The following MIS18BP1 variants were observed in gnomAD, a reference collection of about 807,000 sequenced individuals.
MIS18BP1 encodes the protein mis18-binding protein 1.
A neutral mutation model predicts 116.1 loss-of-function variants in MIS18BP1; 72 were observed. The observed-to-expected ratio is 0.62, with a 90% CI of 0.51 to 0.75. The LOEUF (loss-of-function observed/expected upper bound fraction) is 0.75. MIS18BP1 is among the 30% of genes least tolerant of loss of function. MIS18BP1 has a pLI of 0.00. For missense variants in MIS18BP1, 1,363 were observed against 1,303.2 expected (o/e 1.05, Z -0.71); for synonymous variants, 386 against 427.0 (o/e 0.90, Z 1.18).
rs111886302 is a variant in MIS18BP1 at position 45,206,766 on chromosome 14, G to A, written c.3153-596C>T. Among the ~76,000 whole-genome samples, 1,110 of 152,090 alleles carry A rather than the reference G, an allele frequency of 7.3e-3. 22 individuals carry two copies. The highest frequency in any genetic ancestry group is 0.025 in the African/African-American group (1,052 of 41,492). On this transcript the variant is annotated intron_variant, in intron 14 of 16. Coordinates refer to ENST00000310806, the MANE Select transcript of MIS18BP1 (RefSeq NM_018353.5). ...TCATTGTACCGTCTACGCTCTTTCC[G>A]GTATCTTGCTGCCTCTCTTGGTTTT...
At chr14:45,238,742 T>C (rs904648366) in intron 4 of MIS18BP1, among the ~76,000 whole-genome samples, 3 of 152,126 alleles carry the variant, frequency 2.0e-5, no homozygotes, top group Non-Finnish European at 1.5e-5. Context: ...GGAGGATCAC[T>C]TGAGCTTGGG....
rs187231582 is a variant in MIS18BP1, at chr14:45,205,042, C to T, written c.3241-589G>A. Among the ~76,000 whole-genome samples, 408 of 152,132 alleles carry T rather than the reference C, an allele frequency of 2.7e-3. 1 individual carries two copies. Among genetic ancestry groups the T allele is most frequent in the Middle Eastern group, 6.8e-3 (2 of 294 alleles). On this transcript the variant is annotated intron_variant, in intron 15 of 16. Transcript: ENST00000310806. ...GTACATGCTCACACACATTACAATG[C>T]TTATCAAACTATTGGCCATGGCTGG...
At chr14:45,234,107 A>G (rs1204399183) in intron 6 of MIS18BP1, among the ~76,000 whole-genome samples, 3 of 152,176 alleles carry the variant, frequency 2.0e-5, no homozygotes, top group Non-Finnish European at 4.4e-5. Context: ...AAGTATTTCA[A>G]AAAGGTAAGT....
chr14:45,230,881 A>G (rs1028465795), intron 8 of MIS18BP1, among the ~76,000 whole-genome samples: 1 of 152,162 alleles, frequency 6.6e-6, no homozygotes, highest in South Asian at 2.1e-4. Flanking sequence ...TCAGCCTCCC[A>G]AAGTGCTGGG....
rs1566810017 is a variant in MIS18BP1 at position 45,224,189 on chromosome 14, C to CTGCT, written c.2394_2397dup (p.Val800SerfsTer14). ...CTTGTGCTCTTTCTCAGGTGAACCA[C>CTGCT]TGCTTCTTTGGTGTTTCCTGCTTTG... is the stretch of plus-strand genomic sequence containing the variant. On this transcript the variant is annotated frameshift_variant, in exon 11 of 17. Coordinates refer to ENST00000310806, the MANE Select transcript of MIS18BP1 (RefSeq NM_018353.5). LOFTEE classifies it high-confidence loss of function. 6.2e-7 allele frequency: 1 copy of CTGCT among 1,614,096 alleles called. No individual in the cohort carries two copies. The highest frequency in any genetic ancestry group is 8.5e-7 in the Non-Finnish European group (1 of 1,180,024).
At chr14:45,246,130 A>C (rs1891715941) in intron 2 of MIS18BP1, among the ~76,000 whole-genome samples, 1 of 152,210 alleles carries the variant, frequency 6.6e-6, no homozygotes, top group Admixed American at 6.5e-5. Context: ...TAACTAAAAA[A>C]CAACAAAAAA....
intron 11 of MIS18BP1, among the ~76,000 whole-genome samples, chr14:45,222,933 T>TA (rs1183636850): frequency 2.6e-5 from 4 of 152,196 alleles, no homozygotes; most frequent in Non-Finnish European, 4.4e-5. Context: ...CTTGCCCCAC[T>TA]ACTTTGAGGC....
chr14:45,248,071 T>C (rs950863656), intron 1 of MIS18BP1, among the ~76,000 whole-genome samples: 4 of 150,346 alleles, frequency 2.7e-5, no homozygotes, highest in Non-Finnish European at 4.4e-5. Context: ...TTTTTTTTTT[T>C]TTCTTTTTTT....
At chr14:45,220,119 G>T (rs1370222261) in intron 11 of MIS18BP1, among the ~76,000 whole-genome samples, 1 of 150,916 alleles carries the variant, frequency 6.6e-6, no homozygotes, top group East Asian at 1.9e-4. Context: ...TTTTTAAAGA[G>T]ACAGGGTCTC....
chr14:45,225,696 A>C (rs1451474624), intron 10 of MIS18BP1, among the ~76,000 whole-genome samples: 1 of 152,202 alleles, frequency 6.6e-6, no homozygotes, highest in Non-Finnish European at 1.5e-5. Context: ...GTCACTAAAG[A>C]AAGCAAATTA....
In MIS18BP1 at chr14:45,210,503, T is replaced by G; in HGVS notation, c.3029A>C (p.Asp1010Ala). ...ILLPSFQDSE[D>A]DDDILPNMDK... ...CATATTTGGCAGAATATCATCATCATCTTCACTGTCCTGGAAACTTGGCAA... is the reference window on the plus strand; with the variant it reads ...CATATTTGGCAGAATATCATCATCAGCTTCACTGTCCTGGAAACTTGGCAA... The change falls in exon 14 of 17, where the codon GAT becomes GCT. Residue 1010 changes from aspartate (D) to alanine (A), a missense_variant. Physicochemically the swap from Asp to Ala is moderately radical, Grantham distance 126. Transcript: ENST00000310806. 6.2e-7 allele frequency: 1 copy of G among 1,614,064 alleles called. No individual in the cohort carries two copies. Among genetic ancestry groups the G allele is most frequent in the Non-Finnish European group, 8.5e-7 (1 of 1,179,954 alleles).
At chr14:45,232,237 A>C (rs1178108925) in intron 7 of MIS18BP1, among the ~76,000 whole-genome samples, 1 of 151,844 alleles carries the variant, frequency 6.6e-6, no homozygotes, top group Non-Finnish European at 1.5e-5. Context: ...TAACATGGTG[A>C]AACCCTGTCT....
intron 14 of MIS18BP1, 185 bp from the exon 15 acceptor site, chr14:45,206,355 T>C (rs563213188): frequency 6.0e-6 from 3 of 503,628 alleles, no homozygotes; most frequent in East Asian, 3.6e-5. Context: ...AACATGATAA[T>C]GGCTCACTGC....
chr14:45,235,106 T>C (rs1194591086), intron 6 of MIS18BP1, among the ~76,000 whole-genome samples: 2 of 151,408 alleles, frequency 1.3e-5, no homozygotes, highest in Non-Finnish European at 2.9e-5. Context: ...CTCGGGAGGC[T>C]GAGGCATGAA....
At chr14:45,204,853 C>A (rs751220483) in intron 15 of MIS18BP1, among the ~76,000 whole-genome samples, 9 of 151,964 alleles carry the variant, frequency 5.9e-5, no homozygotes, top group Non-Finnish European at 1.2e-4. Context: ...CAATACTATA[C>A]TGTACTATTA....
At chr14:45,220,014 T>C (rs1252638726) in intron 11 of MIS18BP1, among the ~76,000 whole-genome samples, 3 of 152,194 alleles carry the variant, frequency 2.0e-5, no homozygotes, top group African/African-American at 7.2e-5. Context: ...CGCTGTATTG[T>C]TCCTTGCCCA....
intron 2 of MIS18BP1, 106 bp from the exon 3 acceptor site, chr14:45,242,980 A>G: frequency 1.4e-6 from 1 of 715,260 alleles, no homozygotes; most frequent in South Asian, 1.8e-5. Flanking sequence ...TTTAGTAATG[A>G]TCAGACCAGT....
Position 45,224,213 on chromosome 14 carries a change from T to C in MIS18BP1, c.2374A>G (p.Lys792Glu), listed in dbSNP as rs1162114116. The change falls in exon 11 of 17, where the codon AAA becomes GAA. Residue 792 changes from lysine to glutamate, a missense_variant. Physicochemically the swap from Lys to Glu is moderately conservative, Grantham distance 56. Coordinates refer to ENST00000310806, the MANE Select transcript of MIS18BP1 (RefSeq NM_018353.5). ...IKRKAEVKKT[K>E]AGNTKEAVVH... ...ACTGCTTCTTTGGTGTTTCCTGCTT[T>C]GGTTTTCTTAACTTCAGCTTTCCTT... 1 of 1,614,066 alleles carries C rather than the reference T, an allele frequency of 6.2e-7. No homozygotes were observed. Among genetic ancestry groups the C allele is most frequent in the East Asian group, 2.2e-5 (1 of 44,862 alleles).
At chr14:45,226,927 A>G in intron 9 of MIS18BP1, 91 bp from the exon 10 acceptor site, 1 of 1,078,700 alleles carries the variant, frequency 9.3e-7, no homozygotes, top group South Asian at 2.4e-5. Flanking sequence ...AAGCATACAA[A>G]TTTCTAGGTA....
Sources: gnomAD v4.1 joint callset for allele counts (sites outside exome capture counted in the v4.1 genomes callset) on GRCh38, gnomAD v4.1.1 for gene constraint, MANE v1.5 for transcripts, NCBI Gene and HGNC (gene_info 2026-07-23, HGNC 2026-07-21) for gene names.